Variants in GALNTL6 observed in about 807,000 individuals in gnomAD.
GALNTL6 encodes the protein polypeptide N-acetylgalactosaminyltransferase-like 6.
In GALNTL6, 46 loss-of-function variants were observed where a neutral mutation model predicts 73.7. The ratio of observed to expected loss-of-function variants is 0.62; its 90% CI spans 0.49 to 0.80. The LOEUF is 0.80. Ranked by LOEUF, GALNTL6 falls within the 30% of genes least tolerant of loss-of-function variation. The probability of loss-of-function intolerance (pLI) is 0.00; values close to 1 mark genes in which losing one functional copy is unlikely to be tolerated. For missense variants in GALNTL6, 604 were observed against 755.0 expected, an observed-to-expected ratio of 0.80 and a Z score of 2.34; for synonymous variants, 259 against 263.7, an observed-to-expected ratio of 0.98 and a Z score of 0.17.
chr4:172,654,551 T>G (rs1730881789), intron 5 of GALNTL6, among the ~76,000 whole-genome samples: 1 of 152,332 alleles, frequency 6.6e-6, no homozygotes, highest in Admixed American at 6.5e-5. Flanking sequence ...TAAATTTCCC[T>G]TGGTGAATCT....
At chr4:172,408,497 CAT>C (rs1303549284) in intron 5 of GALNTL6, among the ~76,000 whole-genome samples, 1 of 151,830 alleles carries the variant, frequency 6.6e-6, no homozygotes, top group Non-Finnish European at 1.5e-5. Context: ...CATATATTTA[CAT>C]ATGTGTGACA....
rs61737890 is a variant in GALNTL6, at chr4:172,952,105, G to A, written c.1218G>A (p.Glu406=). ...FAEYIYQRRP[E]YRHLSTGDIS... ...AGTACATTTACCAGCGGCGGCCGGA[G>A]TACAGGCATCTCTCCACGGGGGACA... Residue 406 remains glutamate, a synonymous_variant, in exon 10 of 13, where the codon GAG becomes GAA. Coordinates refer to ENST00000506823, the MANE Select transcript of GALNTL6 (RefSeq NM_001034845.3). The A allele has an allele frequency of 7.7e-3, 12,435 of 1,614,154 alleles. 84 individuals carry two copies. Among genetic ancestry groups the A allele is most frequent in the South Asian group, 9.9e-3 (899 of 91,074 alleles).
At position 172,863,462 on chromosome 4, in the gene GALNTL6, A is replaced by T. The variant is rs187348886; in HGVS notation, c.924-19328A>T. ...CATCAGTGTGACCTGGGAGTGAGAC[A>T]TGGAGTCAAAGGAGATCATTTTGGA... On this transcript the variant is annotated intron_variant, in intron 7 of 12. Coordinates refer to ENST00000506823, the MANE Select transcript of GALNTL6 (RefSeq NM_001034845.3). Among the ~76,000 whole-genome samples, 57 of 152,284 alleles carry T rather than the reference A, an allele frequency of 3.7e-4. 1 individual carries two copies. Among genetic ancestry groups the T allele is most frequent in the African/African-American group, 1.3e-3 (55 of 41,560 alleles).
chr4:172,613,691 G>T (rs1317482241), intron 5 of GALNTL6, among the ~76,000 whole-genome samples: 1 of 152,044 alleles, frequency 6.6e-6, no homozygotes, highest in African/African-American at 2.4e-5. Flanking sequence ...CATCTTTAAA[G>T]TCAAAAATAC....
At chr4:172,234,196 C>A (rs1737166744) in intron 3 of GALNTL6, among the ~76,000 whole-genome samples, 1 of 152,004 alleles carries the variant, frequency 6.6e-6, no homozygotes, top group South Asian at 2.1e-4. Context: ...CTAGTAATGA[C>A]AGTGATTTTA....
intron 5 of GALNTL6, among the ~76,000 whole-genome samples, chr4:172,552,837 T>TAAAAAAAAAAAAAAAAAAAAAA (rs397933315): frequency 1.5e-4 from 12 of 80,406 alleles, no homozygotes; most frequent in African/African-American, 4.7e-4. Context: ...GTAATTGCAG[T>TAAAAAAAAAAAAAAAAAAAAAA]AAAAAAAAAA....
chr4:172,029,474 A>C (rs1232151066), intron 2 of GALNTL6, among the ~76,000 whole-genome samples: 1 of 152,042 alleles, frequency 6.6e-6, no homozygotes, highest in African/African-American at 2.4e-5. Flanking sequence ...ACAAGCTACA[A>C]ATTCCCTCAC....
intron 2 of GALNTL6, among the ~76,000 whole-genome samples, chr4:172,144,232 T>C (rs1490802293): frequency 6.6e-6 from 1 of 152,170 alleles, no homozygotes; most frequent in Non-Finnish European, 1.5e-5. Context: ...AGTAAATTGG[T>C]GGCTGGAAGT....
intron 5 of GALNTL6, among the ~76,000 whole-genome samples, chr4:172,574,169 A>G (rs778595141): frequency 8.5e-5 from 13 of 152,210 alleles, no homozygotes; most frequent in Non-Finnish European, 1.8e-4. Flanking sequence ...TTGCTTAAGA[A>G]TAGGTTTGTA....
chr4:171,944,030 T>C (rs185563836), intron 2 of GALNTL6, among the ~76,000 whole-genome samples: 3 of 152,154 alleles, frequency 2.0e-5, no homozygotes, highest in East Asian at 3.9e-4. Flanking sequence ...AGACTTGCCT[T>C]AGTAAAATGA....
At chr4:171,832,002 T>C (rs1455543725) in intron 2 of GALNTL6, among the ~76,000 whole-genome samples, 2 of 151,594 alleles carry the variant, frequency 1.3e-5, no homozygotes, top group East Asian at 1.9e-4. Flanking sequence ...ATATTTCTAC[T>C]TATTTGAGAC....
intron 12 of GALNTL6, among the ~76,000 whole-genome samples, chr4:173,024,821 C>T (rs1753167542): frequency 1.3e-5 from 2 of 152,096 alleles, no homozygotes; most frequent in Admixed American, 6.5e-5. Context: ...TCAGGGGATC[C>T]GCCCACCTTA....
chr4:171,820,472 C>A (rs908611656), intron 2 of GALNTL6, among the ~76,000 whole-genome samples: 5 of 152,098 alleles, frequency 3.3e-5, no homozygotes, highest in African/African-American at 9.7e-5. Context: ...TACCCATATC[C>A]GTAGTTTCAC....
chr4:172,399,841 T>A (rs916975863), intron 5 of GALNTL6, among the ~76,000 whole-genome samples: 1 of 152,148 alleles, frequency 6.6e-6, no homozygotes, highest in Non-Finnish European at 1.5e-5. Context: ...TCTTTTTAAA[T>A]TTTTTTGCCC....
Position 172,012,159 on chromosome 4 carries a change from C to T in GALNTL6, c.138+197441C>T, listed in dbSNP as rs1741029210. On this transcript the variant is annotated intron_variant, in intron 2 of 12. Coordinates refer to ENST00000506823, the MANE Select transcript of GALNTL6 (RefSeq NM_001034845.3). ...AAAGGCTACTGCTCTCTGACATCCC[C>T]CAAAGCCCACCGTAGGGACTTGCTC... 3.3e-5 allele frequency among the ~76,000 whole-genome samples: 5 copies of T among 152,172 alleles called. No individual in the cohort carries two copies. In the South Asian group the frequency reaches 1.0e-3, roughly 32 times the overall value.
intron 5 of GALNTL6, among the ~76,000 whole-genome samples, chr4:172,589,667 T>C (rs1352828966): frequency 1.3e-5 from 2 of 152,268 alleles, no homozygotes; most frequent in Admixed American, 6.5e-5. Context: ...ATTAAACACA[T>C]GCCACTTTTG....
rs568695202 is a variant in GALNTL6, at chr4:172,290,121, C to T, written c.248-21493C>T. On this transcript the variant is annotated intron_variant, in intron 3 of 12. Coordinates refer to ENST00000506823, the MANE Select transcript of GALNTL6 (RefSeq NM_001034845.3). The stretch of plus-strand genomic sequence containing the variant: ...ACCATTGCAACTGTAGGTATAGGGA[C>T]TTTCTCTTTCATCTCTGCTGTGGGA... 3.3e-5 allele frequency among the ~76,000 whole-genome samples: 5 copies of T among 152,220 alleles called. No homozygotes were observed. In the South Asian group the frequency reaches 8.3e-4, roughly 25 times the overall value.
At chr4:172,775,110 C>A (rs1399465218) in intron 5 of GALNTL6, among the ~76,000 whole-genome samples, 1 of 151,902 alleles carries the variant, frequency 6.6e-6, no homozygotes, top group Admixed American at 6.6e-5. Context: ...ACCTGTTTTT[C>A]TCACTGGAAA....
intron 2 of GALNTL6, among the ~76,000 whole-genome samples, chr4:171,947,117 AC>A (rs953998045): frequency 1.5e-4 from 23 of 151,576 alleles, no homozygotes; most frequent in African/African-American, 5.6e-4. Flanking sequence ...AGTACAACCT[AC>A]CCCCTTTCCT....
Sources: allele counts gnomAD v4.1 joint callset (sites outside exome capture counted in the v4.1 genomes callset), GRCh38; gene constraint gnomAD v4.1.1; transcripts MANE v1.5; gene names NCBI Gene and HGNC (gene_info 2026-07-23, HGNC 2026-07-21).